Variants in TCERG1L observed in about 807,000 individuals in gnomAD.
TCERG1L encodes transcription elongation regulator 1-like protein.
A neutral mutation model predicts 56.3 loss-of-function variants in TCERG1L; 37 were observed. The ratio of observed to expected loss-of-function variants is 0.66; its 90% CI spans 0.51 to 0.87. TCERG1L has a LOEUF of 0.87. Among genes scored for constraint, TCERG1L ranks in the 40% least tolerant of loss-of-function variants. The pLI is 0.00. For missense variants in TCERG1L, 799 were observed against 774.2 expected, an observed-to-expected ratio of 1.03 and a Z score of -0.38; for synonymous variants, 324 against 326.3, an observed-to-expected ratio of 0.99 and a Z score of 0.08.
chr10:131,187,398 G>T (rs1845256027), intron 4 of TCERG1L, among the ~76,000 whole-genome samples: 1 of 152,184 alleles, frequency 6.6e-6, no homozygotes, highest in Admixed American at 6.5e-5. Context: ...CTCTCCAGTT[G>T]TACTAGACAT....
At chr10:131,234,143 C>CT (rs1282897094) in intron 4 of TCERG1L, among the ~76,000 whole-genome samples, 2 of 152,212 alleles carry the variant, frequency 1.3e-5, no homozygotes, top group Non-Finnish European at 2.9e-5. Flanking sequence ...AGGTATTCTG[C>CT]TGTAGCAACA....
At position 131,118,645 on chromosome 10, in the gene TCERG1L, T is replaced by C. The variant is rs1294327210; in HGVS notation, c.1260-1711A>G. 2.6e-5 allele frequency among the ~76,000 whole-genome samples: 4 copies of C among 152,176 alleles called. No individual in the cohort carries two copies. The highest frequency in any genetic ancestry group is 5.9e-5 in the Non-Finnish European group (4 of 68,038). On this transcript the variant is annotated intron_variant, in intron 8 of 11. Transcript: ENST00000368642. This position sits in a 1 kb window ranked among gnomAD's most constrained non-coding sequence, Gnocchi z 4.2. Reference sequence around the variant, plus strand: ...GGTTCAGCCAAAACCCCCCGATCCCTGAGGTCTGCTCTTGGTAATTTTCCA... The same window carrying C: ...GGTTCAGCCAAAACCCCCCGATCCCCGAGGTCTGCTCTTGGTAATTTTCCA...
At chr10:131,128,046 A>G (rs1845580383) in intron 8 of TCERG1L, among the ~76,000 whole-genome samples, 1 of 152,228 alleles carries the variant, frequency 6.6e-6, no homozygotes. Flanking sequence ...ATAAAATATC[A>G]GCATATGTCT....
At chr10:131,108,320 C>T (rs1845374751) in intron 9 of TCERG1L, among the ~76,000 whole-genome samples, 1 of 152,180 alleles carries the variant, frequency 6.6e-6, no homozygotes, top group African/African-American at 2.4e-5. Flanking sequence ...TTCTGGGATT[C>T]CTCGGTTACA....
At chr10:131,126,436 G>A (rs2133397525) in intron 8 of TCERG1L, among the ~76,000 whole-genome samples, 1 of 152,358 alleles carries the variant, frequency 6.6e-6, no homozygotes. Context: ...TGAAACACCT[G>A]CTGAAAAGGG....
intron 4 of TCERG1L, among the ~76,000 whole-genome samples, chr10:131,203,010 G>T (rs1845459607): frequency 6.6e-6 from 1 of 152,206 alleles, no homozygotes; most frequent in South Asian, 2.1e-4. Flanking sequence ...CTGGTTCACA[G>T]ATTGTGGGGA....
chr10:131,259,907 G>A (rs1403722431), intron 4 of TCERG1L, among the ~76,000 whole-genome samples: 4 of 152,212 alleles, frequency 2.6e-5, no homozygotes, highest in South Asian at 2.1e-4. Context: ...TGCACGTCCC[G>A]TGCAAGAAAA....
At chr10:131,166,556 C>T (rs1314532687) in intron 5 of TCERG1L, among the ~76,000 whole-genome samples, 1 of 152,232 alleles carries the variant, frequency 6.6e-6, no homozygotes, top group Admixed American at 6.5e-5. Flanking sequence ...GAAGCCAAAT[C>T]CCTTCCCAAC....
intron 9 of TCERG1L, among the ~76,000 whole-genome samples, chr10:131,111,835 T>A (rs1845416392): frequency 7.0e-6 from 1 of 143,388 alleles, no homozygotes; most frequent in Admixed American, 6.8e-5. Context: ...CAAGCCAGAC[T>A]GCTCCAAGGT....
chr10:131,269,709 T>G (rs1256613095), intron 3 of TCERG1L, among the ~76,000 whole-genome samples: 2 of 152,150 alleles, frequency 1.3e-5, no homozygotes, highest in African/African-American at 2.4e-5. Flanking sequence ...GACGTAACAA[T>G]ACTTAAAAAC....
At chr10:131,202,885 CACTT>C (rs1195131784) in intron 4 of TCERG1L, among the ~76,000 whole-genome samples, 4 of 152,164 alleles carry the variant, frequency 2.6e-5, no homozygotes, top group Admixed American at 2.6e-4. Flanking sequence ...AAAAAAGAAA[CACTT>C]AAATAATTAA....
At position 131,230,276 on chromosome 10, in the gene TCERG1L, C is replaced by T. The variant is rs146840006; in HGVS notation, c.856+29983G>A. ...CACAGAGGCAGCTGTGAGCTGCTTG[C>T]GCGCCCCTCCTGGGTGCACTATTCT... On this transcript the variant is annotated intron_variant, in intron 4 of 11. Coordinates refer to ENST00000368642, the MANE Select transcript of TCERG1L (RefSeq NM_174937.4). Among the ~76,000 whole-genome samples the T allele has an allele frequency of 6.1e-3, 922 of 152,370 alleles. 8 individuals are homozygous for T. Among genetic ancestry groups the T allele is most frequent in the African/African-American group, 0.021 (863 of 41,586 alleles).
chr10:131,199,889 C>A (rs1845412517), intron 4 of TCERG1L, among the ~76,000 whole-genome samples: 1 of 152,214 alleles, frequency 6.6e-6, no homozygotes, highest in Non-Finnish European at 1.5e-5. Flanking sequence ...CCCTATGCAA[C>A]CTAGAAGTGT....
chr10:131,194,016 G>C (rs997257699), intron 4 of TCERG1L, among the ~76,000 whole-genome samples: 1 of 152,194 alleles, frequency 6.6e-6, no homozygotes, highest in East Asian at 1.9e-4. Context: ...TAATGTTGCC[G>C]CATTGGCCAT....
At chr10:131,217,410 A>T (rs1845681094) in intron 4 of TCERG1L, among the ~76,000 whole-genome samples, 1 of 151,884 alleles carries the variant, frequency 6.6e-6, no homozygotes, top group Non-Finnish European at 1.5e-5. Flanking sequence ...AGCCAATTAA[A>T]CCTCTTTTCT....
chr10:131,197,673 C>T (rs564058849), intron 4 of TCERG1L, among the ~76,000 whole-genome samples: 2 of 152,170 alleles, frequency 1.3e-5, no homozygotes, highest in South Asian at 4.1e-4. Context: ...AAATTGAACA[C>T]GTGCATGCAG....
chr10:131,125,713 C>G (rs1055666589), intron 8 of TCERG1L, among the ~76,000 whole-genome samples: 4 of 152,208 alleles, frequency 2.6e-5, no homozygotes, highest in East Asian at 1.9e-4. Context: ...GCTCTGCTCA[C>G]GTGGATGGTC....
intron 4 of TCERG1L, among the ~76,000 whole-genome samples, chr10:131,176,957 TAC>T (rs746193044): frequency 3.6e-3 from 149 of 40,898 alleles, no homozygotes; most frequent in Admixed American, 6.4e-3. Flanking sequence ...AAGACACGTG[TAC>T]ACACAGAGAC....
At chr10:131,134,673 G>A (rs1445587992) in intron 7 of TCERG1L, among the ~76,000 whole-genome samples, 1 of 152,224 alleles carries the variant, frequency 6.6e-6, no homozygotes, top group Non-Finnish European at 1.5e-5. Context: ...GTCCTCTTTA[G>A]AGACTGTCTG....
Sources: allele counts gnomAD v4.1 joint callset (sites outside exome capture counted in the v4.1 genomes callset), GRCh38; gene constraint gnomAD v4.1.1; non-coding constraint Gnocchi (gnomAD v3.1); transcripts MANE v1.5; gene names NCBI Gene and HGNC (gene_info 2026-07-23, HGNC 2026-07-21).